Variants in PRIMPOL observed in about 807,000 individuals in gnomAD.
PRIMPOL encodes primase and DNA directed polymerase, also known as DNA-directed primase/polymerase protein.
Under a neutral mutation model 63.6 loss-of-function variants are expected in PRIMPOL, and 54 were observed. That is an observed-to-expected ratio of 0.85 (90% CI 0.68 to 1.07). PRIMPOL has a LOEUF of 1.07. PRIMPOL is among the 50% of genes least tolerant of loss of function. The pLI is 0.00. For missense variants in PRIMPOL, 610 were observed against 648.3 expected (o/e 0.94, Z 0.64); for synonymous variants, 197 against 220.2 (o/e 0.89, Z 0.93).
At chr4:184,682,174 TG>T in intron 8 of PRIMPOL, 73 bp from the exon 9 acceptor site, 1 of 707,400 alleles carries the variant, frequency 1.4e-6, no homozygotes, top group African/African-American at 1.8e-5. Flanking sequence ...AGGAATTCAG[TG>T]TCCTTTCTGT....
At chr4:184,689,172 C>A (rs932817310) in intron 11 of PRIMPOL, among the ~76,000 whole-genome samples, 2 of 149,898 alleles carry the variant, frequency 1.3e-5, no homozygotes, top group African/African-American at 5.1e-5. Flanking sequence ...CTTGAGCGAT[C>A]TTCCTGCTTC....
intron 5 of PRIMPOL, among the ~76,000 whole-genome samples, chr4:184,665,504 T>A (rs1455038330): frequency 7.0e-6 from 1 of 143,080 alleles, no homozygotes; most frequent in Non-Finnish European, 1.5e-5. Flanking sequence ...ATTAATGACT[T>A]TTTTTTTTTT....
At chr4:184,672,583 G>A (rs986531495) in intron 7 of PRIMPOL, 123 bp downstream of exon 7, 13 of 918,208 alleles carry the variant, frequency 1.4e-5, no homozygotes, top group Non-Finnish European at 2.0e-5. Context: ...TCGCCAGCAC[G>A]ATGCAACCAG....
At chr4:184,682,408 G>C in intron 9 of PRIMPOL, 72 bp downstream of exon 9, 1 of 805,394 alleles carries the variant, frequency 1.2e-6, no homozygotes. Flanking sequence ...GAGTGCAGTG[G>C]TGCGATCTCG....
chr4:184,677,492 T>C (rs1754405135), intron 7 of PRIMPOL, among the ~76,000 whole-genome samples: 2 of 150,906 alleles, frequency 1.3e-5, no homozygotes, highest in Admixed American at 6.7e-5. Context: ...TATTGATCTA[T>C]TCCTGTCTAA....
intron 11 of PRIMPOL, among the ~76,000 whole-genome samples, chr4:184,687,363 A>T (rs931148962): frequency 6.6e-6 from 1 of 151,246 alleles, no homozygotes; most frequent in Admixed American, 6.6e-5. Context: ...GAGCCACCGC[A>T]CCCAGCCGAT....
At position 184,661,781 on chromosome 4, in the gene PRIMPOL, C is replaced by A. The variant is rs746767722; in HGVS notation, c.286C>A (p.Leu96Ile). The A allele has an allele frequency of 6.3e-7, 1 of 1,598,386 alleles. No individual in the cohort carries two copies. Among genetic ancestry groups the A allele is most frequent in the Non-Finnish European group, 8.5e-7 (1 of 1,169,710 alleles). Residue 96 changes from leucine (L) to isoleucine (I), a missense_variant, in exon 5 of 14, where the codon CTC becomes ATC. This residue lies in a region of PRIMPOL where 159 missense variants were observed against 168.9 expected (regional missense o/e 0.94). Transcript: ENST00000314970. Reference sequence around the variant, plus strand: ...TTGAATTATTCAATTTAGAAAAAATCTCTTACACTGCTATGAAGTTATTCC... The same window carrying A: ...TTGAATTATTCAATTTAGAAAAAATATCTTACACTGCTATGAAGTTATTCC... ...FWFYYKSRKN[L>I]LHCYEVIPEN... is the part of the protein sequence containing the mutation.
Position 184,672,167 on chromosome 4 carries a change from C to T in PRIMPOL, c.557-6C>T, listed in dbSNP as rs1384927375. 1 of 1,600,100 alleles carries T rather than the reference C, an allele frequency of 6.2e-7. No individual in the cohort carries two copies. The highest frequency in any genetic ancestry group is 8.5e-7 in the Non-Finnish European group (1 of 1,175,322). On this transcript the variant is annotated splice_region_variant and splice_polypyrimidine_tract_variant and intron_variant, in intron 6 of 13. Transcript: ENST00000314970. ...CCAGGTGAATGATAATAGCTTTTTT[C>T]CTTAGGTAATTTTTTGAGAAAAATT...
chr4:184,678,688 C>T (rs781711220), intron 8 of PRIMPOL, among the ~76,000 whole-genome samples: 35 of 151,938 alleles, frequency 2.3e-4, no homozygotes, highest in Non-Finnish European at 4.1e-4. Context: ...CCACCACACC[C>T]GGCTAATTTT....
At chr4:184,691,765 A>G (rs1758610412) in intron 13 of PRIMPOL, 53 bp downstream of exon 13, 7 of 1,359,306 alleles carry the variant, frequency 5.1e-6, no homozygotes, top group Middle Eastern at 1.9e-4. Flanking sequence ...TTGGTACAAT[A>G]GTATACCTGA....
At chr4:184,658,903 G>C (rs1009043068) in intron 3 of PRIMPOL, among the ~76,000 whole-genome samples, 15 of 119,924 alleles carry the variant, frequency 1.3e-4, no homozygotes, top group African/African-American at 4.5e-4. Flanking sequence ...GCAAGACTCT[G>C]TTTCAAAAAA....
At chr4:184,694,190 A>T in intron 13 of PRIMPOL, 1 of 1,040,166 alleles carries the variant, frequency 9.6e-7, no homozygotes, top group South Asian at 4.2e-5. Flanking sequence ...TAGCAAATTT[A>T]TCTTCTGATT....
intron 7 of PRIMPOL, 141 bp downstream of exon 7, chr4:184,672,601 A>G: frequency 3.8e-6 from 3 of 797,682 alleles, no homozygotes; most frequent in Non-Finnish European, 6.0e-6. Context: ...CAGTGAGTTC[A>G]GGTGCTGGGA....
chr4:184,691,107 T>C (rs988317450), intron 11 of PRIMPOL, among the ~76,000 whole-genome samples: 7 of 150,884 alleles, frequency 4.6e-5, no homozygotes, highest in African/African-American at 1.7e-4. Context: ...TGTATCCTTA[T>C]TGGACCTTTT....
intron 7 of PRIMPOL, 35 bp from the exon 8 acceptor site, chr4:184,678,197 A>G (rs1193707208): frequency 7.1e-7 from 1 of 1,399,638 alleles, no homozygotes; most frequent in Non-Finnish European, 9.7e-7. Context: ...AACAGAAAAC[A>G]TGCTTTCATA....
At chr4:184,694,029 A>G (rs562998393) in intron 13 of PRIMPOL, among the ~76,000 whole-genome samples, 7 of 152,238 alleles carry the variant, frequency 4.6e-5, no homozygotes, top group African/African-American at 1.7e-4. Context: ...TACTGAAGAC[A>G]TTCTATGGTA....
At chr4:184,654,654 G>A (rs185479631) in intron 2 of PRIMPOL, among the ~76,000 whole-genome samples, 2,575 of 151,968 alleles carry the variant, frequency 0.017, 71 homozygotes, top group African/African-American at 0.052. Flanking sequence ...GGGTTTCACT[G>A]TGTTAGCCAG....
At chr4:184,654,085 T>C (rs758884441) in intron 2 of PRIMPOL, among the ~76,000 whole-genome samples, 19 of 152,224 alleles carry the variant, frequency 1.2e-4, no homozygotes, top group Non-Finnish European at 2.6e-4. Flanking sequence ...TGTTTTTTCA[T>C]TGTGACTCCA....
intron 2 of PRIMPOL, among the ~76,000 whole-genome samples, chr4:184,656,476 G>T (rs1205107529): frequency 6.6e-6 from 1 of 152,064 alleles, no homozygotes; most frequent in Admixed American, 6.5e-5. Context: ...TTACTCTGGC[G>T]TGGTTGACAT....
Sources: allele counts gnomAD v4.1 joint callset (sites outside exome capture counted in the v4.1 genomes callset), GRCh38; gene constraint gnomAD v4.1.1; regional missense constraint gnomAD v4.1.1; transcripts MANE v1.5; gene names NCBI Gene and HGNC (gene_info 2026-07-23, HGNC 2026-07-21).